RGS21: variants seen among roughly 807,000 people sequenced by gnomAD.
The protein encoded by RGS21 is regulator of G protein signaling 21.
Under a neutral mutation model 18.7 loss-of-function variants are expected in RGS21, and 19 were observed. The ratio of observed to expected loss-of-function variants is 1.01; its 90% CI spans 0.71 to 1.49. The LOEUF (loss-of-function observed/expected upper bound fraction) is 1.49. Among genes scored for constraint, RGS21 ranks in the 40% most tolerant of loss-of-function variants. The probability of loss-of-function intolerance (pLI) is 0.00; values close to 1 mark genes in which losing one functional copy is unlikely to be tolerated. For missense variants in RGS21, 194 were observed against 176.8 expected (o/e 1.10, Z -0.55); for synonymous variants, 56 against 57.8 (o/e 0.97, Z 0.14).
chr1:192,332,544 G>A lies in RGS21; in HGVS notation c.-60-10433G>A, dbSNP rs558279964. Among the ~76,000 whole-genome samples, 15 of 152,222 alleles carry A rather than the reference G, an allele frequency of 9.9e-5. No individual in the cohort carries two copies. The South Asian group carries it at 2.9e-3, about 29-fold the overall frequency. Reference sequence around the variant, plus strand: ...AGAAAGTATTTGGGATCTAGGACCTGGGGAAGAGTCATTAGACATGACATC... The same window carrying A: ...AGAAAGTATTTGGGATCTAGGACCTAGGGAAGAGTCATTAGACATGACATC... On this transcript the variant is annotated intron_variant, in intron 1 of 4. Transcript: ENST00000417209.
Position 192,366,202 on chromosome 1 carries a change from G to T in RGS21, c.*78G>T. 1.1e-6 allele frequency: 1 copy of T among 882,016 alleles called. No homozygotes were observed. Among genetic ancestry groups the T allele is most frequent in the East Asian group, 2.6e-5 (1 of 39,090 alleles). The allele number at this position is 882,016 out of a possible 1,614,324, so 54.6% of individuals were successfully genotyped here. A position where few individuals can be genotyped will look rare whatever the true frequency, so the allele number is the denominator to read the frequency against. ...ATACAAGCATGATGCATTGTCTTTT[G>T]TTTTGTTTTTAGGATTTAGAAAACA... On this transcript the variant is annotated 3_prime_UTR_variant, in exon 5 of 5. Coordinates refer to ENST00000417209, the MANE Select transcript of RGS21 (RefSeq NM_001039152.3).
At chr1:192,341,667 G>C (rs1380326355) in intron 1 of RGS21, among the ~76,000 whole-genome samples, 1 of 151,798 alleles carries the variant, frequency 6.6e-6, no homozygotes, top group Non-Finnish European at 1.5e-5. Context: ...GCTTGCAATT[G>C]CACTAAACTC....
chr1:192,349,959 C>T (rs1051659547), intron 3 of RGS21, among the ~76,000 whole-genome samples: 2 of 152,112 alleles, frequency 1.3e-5, no homozygotes, highest in Non-Finnish European at 2.9e-5. Context: ...TTAAAGAACA[C>T]TTTATTCTCT....
At chr1:192,336,356 G>A (rs1320914878) in intron 1 of RGS21, among the ~76,000 whole-genome samples, 1 of 152,202 alleles carries the variant, frequency 6.6e-6, no homozygotes, top group Non-Finnish European at 1.5e-5. Context: ...TTGGAAGGCT[G>A]AGGCCGGAGA....
Position 192,363,908 on chromosome 1 carries a change from C to A in RGS21, c.256-2013C>A, listed in dbSNP as rs146350178. Among the ~76,000 whole-genome samples the A allele has an allele frequency of 3.0e-3, 459 of 152,202 alleles. 4 individuals carry two copies. The highest frequency in any genetic ancestry group is 0.01 in the African/African-American group (434 of 41,564). ...ATCTTCTTCTTATCTTTCAACTTTA[C>A]ATCTAAAACATTTATTTAGTTGTTG... On this transcript the variant is annotated intron_variant, in intron 4 of 4. Transcript: ENST00000417209.
chr1:192,332,781 C>T (rs1368121558), intron 1 of RGS21, among the ~76,000 whole-genome samples: 2 of 152,002 alleles, frequency 1.3e-5, no homozygotes, highest in Non-Finnish European at 2.9e-5. Flanking sequence ...GGCGCCTGTG[C>T]CTCACACCTG....
In RGS21 at chr1:192,359,733, T is replaced by G. The variant is rs372481701; in HGVS notation, c.256-6188T>G. ...CTCTTTAATATTTCAGAGTTATATA[T>G]AGAGAGACAGTTATATATAACTCTA... On this transcript the variant is annotated intron_variant, in intron 4 of 4. Coordinates refer to ENST00000417209, the MANE Select transcript of RGS21 (RefSeq NM_001039152.3). Among the ~76,000 whole-genome samples, 10 of 147,370 alleles carry G rather than the reference T, an allele frequency of 6.8e-5. No individual in the cohort carries two copies. In the South Asian group the frequency reaches 8.6e-4, roughly 13 times the overall value.
chr1:192,323,339 T>A (rs148065523), intron 1 of RGS21, among the ~76,000 whole-genome samples: 1 of 152,280 alleles, frequency 6.6e-6, no homozygotes, highest in Non-Finnish European at 1.5e-5. Context: ...TGAATCCTGT[T>A]GCATTATGGA....
chr1:192,327,107 C>A, intron 1 of RGS21, among the ~76,000 whole-genome samples: 1 of 151,930 alleles, frequency 6.6e-6, no homozygotes, highest in East Asian at 1.9e-4. Context: ...TTTCAATGTG[C>A]ATCGAATAAT....
chr1:192,350,830 G>C (rs1249893235), intron 3 of RGS21, among the ~76,000 whole-genome samples: 3 of 152,106 alleles, frequency 2.0e-5, no homozygotes, highest in Admixed American at 6.6e-5. Context: ...GTATGCCAAA[G>C]AAAAATGTTT....
intron 1 of RGS21, among the ~76,000 whole-genome samples, chr1:192,334,182 T>C (rs1423158736): frequency 6.6e-6 from 1 of 152,152 alleles, no homozygotes; most frequent in Non-Finnish European, 1.5e-5. Flanking sequence ...GTAGAAAGTA[T>C]ATTTGGACTT....
intron 1 of RGS21, among the ~76,000 whole-genome samples, chr1:192,335,968 A>C (rs778273286): frequency 6.6e-6 from 1 of 152,184 alleles, no homozygotes; most frequent in Non-Finnish European, 1.5e-5. Context: ...TCAACAACAA[A>C]AAAATTTTTT....
chr1:192,318,478 C>T (rs553503676), intron 1 of RGS21, among the ~76,000 whole-genome samples: 2 of 152,214 alleles, frequency 1.3e-5, no homozygotes, highest in South Asian at 2.1e-4. Flanking sequence ...AGAAGTTTTA[C>T]GCTGAGCTAA....
At chr1:192,341,974 T>C (rs1425114959) in intron 1 of RGS21, among the ~76,000 whole-genome samples, 1 of 152,056 alleles carries the variant, frequency 6.6e-6, no homozygotes, top group East Asian at 1.9e-4. Flanking sequence ...ATCGTGCTGA[T>C]TGATGATTTC....
At chr1:192,358,585 G>A (rs1384085233) in intron 4 of RGS21, among the ~76,000 whole-genome samples, 2 of 151,944 alleles carry the variant, frequency 1.3e-5, no homozygotes, top group Non-Finnish European at 2.9e-5. Flanking sequence ...TTTGTAAGGC[G>A]TTTTACTTAT....
chr1:192,337,045 ATATAT>A (rs1658777899), intron 1 of RGS21, among the ~76,000 whole-genome samples: 1 of 152,216 alleles, frequency 6.6e-6, no homozygotes, highest in Middle Eastern at 3.4e-3. Flanking sequence ...TATTCTAGTA[ATATAT>A]TATAAAAGAT....
intron 4 of RGS21, 42 bp downstream of exon 4, chr1:192,352,255 C>T (rs1408765013): frequency 7.1e-7 from 1 of 1,406,406 alleles, no homozygotes; most frequent in East Asian, 2.4e-5. Flanking sequence ...CATCCTGTAG[C>T]AGATCTGCTC....
At chr1:192,349,639 G>A (rs1659007666) in intron 3 of RGS21, among the ~76,000 whole-genome samples, 1 of 152,132 alleles carries the variant, frequency 6.6e-6, no homozygotes, top group African/African-American at 2.4e-5. Flanking sequence ...ATGTATAGGA[G>A]AGTAAATCAA....
At chr1:192,359,653 G>GTATATATATATATATATATATATATATA (rs1202366412) in intron 4 of RGS21, among the ~76,000 whole-genome samples, 33 of 104,480 alleles carry the variant, frequency 3.2e-4, no homozygotes, top group South Asian at 6.3e-4. Flanking sequence ...ATGTGTGTGT[G>GTATATATATATATATATATATATATATA]TGTATATATA....
Sources: allele counts gnomAD v4.1 joint callset (sites outside exome capture counted in the v4.1 genomes callset), GRCh38; gene constraint gnomAD v4.1.1; transcripts MANE v1.5; gene names NCBI Gene and HGNC (gene_info 2026-07-23, HGNC 2026-07-21).